DOCK9: variants seen among roughly 807,000 people sequenced by gnomAD.
The protein encoded by DOCK9 is dedicator of cytokinesis 9, also known as dedicator of cytokinesis protein 9.
Under a neutral mutation model 263.3 loss-of-function variants are expected in DOCK9, and 89 were observed. The observed-to-expected ratio is 0.34, with a 90% CI of 0.28 to 0.40. The LOEUF (loss-of-function observed/expected upper bound fraction) is 0.40, where lower values mean the gene tolerates loss of function less well. DOCK9 is among the 10% of genes least tolerant of loss of function. DOCK9 has a pLI of 1.00. For missense variants in DOCK9, 2,140 were observed against 2,603.4 expected (o/e 0.82, Z 3.87); for synonymous variants, 976 against 973.1 (o/e 1.00, Z -0.06).
chr13:98,807,592 TA>T lies in DOCK9; in HGVS notation c.5514+68del. 8 of 1,341,664 alleles carry T rather than the reference TA, an allele frequency of 6.0e-6. No homozygotes were observed. The South Asian group carries it at 1.3e-4, about 21-fold the overall frequency. The allele number at this position is 1,341,664 out of a possible 1,614,324, so 83.1% of individuals were successfully genotyped here. On this transcript the variant is annotated intron_variant, in intron 48 of 52. Transcript: ENST00000682017. Reference sequence around the variant, plus strand: ...TCTTGTGTTTTTTTCTATATACATTTAAAAATATATAATATGTAATCAATCA... The same window carrying T: ...TCTTGTGTTTTTTTCTATATACATTTAAAATATATAATATGTAATCAATCA...
intron 1 of DOCK9, among the ~76,000 whole-genome samples, chr13:99,013,540 G>A (rs1438268936): frequency 6.6e-6 from 1 of 152,202 alleles, no homozygotes; most frequent in Non-Finnish European, 1.5e-5. Context: ...AACTATACAG[G>A]ATCTGGGGAA....
intron 39 of DOCK9, 194 bp from the exon 40 acceptor site, chr13:98,831,980 TGGG>T: frequency 1.5e-6 from 1 of 653,202 alleles, no homozygotes; most frequent in Non-Finnish European, 2.5e-6. Flanking sequence ...ATTTATGTTT[TGGG>T]GATGAACCTC....
At chr13:98,983,856 A>T (rs773457427) in intron 1 of DOCK9, among the ~76,000 whole-genome samples, 3 of 152,070 alleles carry the variant, frequency 2.0e-5, no homozygotes, top group Non-Finnish European at 4.4e-5. Context: ...ACCTCAGGTG[A>T]TCCACCCACC....
At chr13:99,086,282 C>T in exon 1 of DOCK9, 1 of 1,495,924 alleles carries the variant, frequency 6.7e-7, no homozygotes, top group Non-Finnish European at 8.9e-7. Context: ...GCCGCCGTGC[C>T]CGGCTTACTC....
At chr13:98,976,177 G>A (rs1670953944) in intron 1 of DOCK9, among the ~76,000 whole-genome samples, 1 of 152,182 alleles carries the variant, frequency 6.6e-6, no homozygotes, top group Non-Finnish European at 1.5e-5. Context: ...CTGCAGGTGC[G>A]CAGAGCTGAG....
At chr13:99,001,233 G>A (rs1882246847) in intron 1 of DOCK9, among the ~76,000 whole-genome samples, 2 of 152,166 alleles carry the variant, frequency 1.3e-5, no homozygotes, top group Admixed American at 1.3e-4. Flanking sequence ...GAAACCACTT[G>A]TAATCTCTAT....
rs548352582 is a variant in DOCK9, at chr13:99,020,224, G to A, written c.130-64673C>T. Among the ~76,000 whole-genome samples, 8 of 152,316 alleles carry A rather than the reference G, an allele frequency of 5.3e-5. No homozygotes were observed. In the South Asian group the frequency reaches 1.2e-3, roughly 24 times the overall value. ...CTCAACAAGAAATTGCTAGAAATAT[G>A]TAAGTACCTATTGTCTTATACTTCA... is the stretch of plus-strand genomic sequence containing the variant. On this transcript the variant is annotated intron_variant, in intron 1 of 32. Transcript: ENST00000427887.
chr13:98,814,791 A>C (rs1303611148), intron 45 of DOCK9, among the ~76,000 whole-genome samples: 1 of 151,994 alleles, frequency 6.6e-6, no homozygotes, highest in Non-Finnish European at 1.5e-5. Context: ...ATACAAAAAA[A>C]TTAGCTGGGC....
At chr13:98,985,935 T>C (rs1425365239) in intron 1 of DOCK9, among the ~76,000 whole-genome samples, 1 of 152,262 alleles carries the variant, frequency 6.6e-6, no homozygotes, top group Non-Finnish European at 1.5e-5. Flanking sequence ...GTATGATTTA[T>C]CACAGGAGTT....
In DOCK9 at chr13:98,829,847, C is replaced by T. The variant is rs74592163; in HGVS notation, c.4636-91G>A. On this transcript the variant is annotated intron_variant, in intron 41 of 52. Coordinates refer to ENST00000682017, the MANE Select transcript of DOCK9 (RefSeq NM_001366683.2). This position sits in a 1 kb window ranked among gnomAD's most constrained non-coding sequence, Gnocchi z 4.1. ...CGTTCAGTTAGGATGTGCCTAAGGACCCAGCAAAGTGGGGGTTGGGGGGTG... is the reference window on the plus strand; with the variant it reads ...CGTTCAGTTAGGATGTGCCTAAGGATCCAGCAAAGTGGGGGTTGGGGGGTG... 101 of 1,127,284 alleles carry T rather than the reference C, an allele frequency of 9.0e-5. No homozygotes were observed. In the East Asian group the frequency reaches 2.2e-3, roughly 24 times the overall value. 69.8% of individuals were successfully genotyped at this position (1,127,284 alleles called of 1,614,324 possible). A position where few individuals can be genotyped will look rare whatever the true frequency, so the allele number is the denominator to read the frequency against.
In DOCK9 at chr13:98,956,136, G is replaced by A. The variant is rs374624833; in HGVS notation, c.127-585C>T. 1.6e-3 allele frequency among the ~76,000 whole-genome samples: 239 copies of A among 152,350 alleles called. 8 individuals carry two copies. The South Asian group carries it at 0.047, about 30-fold the overall frequency. ...CAAGAGGCTGGGTCACAGCCAGGGG[G>A]GCAGGTACTACTTAAACCAGGGCTC... On this transcript the variant is annotated intron_variant, in intron 1 of 52. Coordinates refer to ENST00000682017, the MANE Select transcript of DOCK9 (RefSeq NM_001366683.2).
At chr13:98,805,952 G>A (rs1419272476) in intron 48 of DOCK9, among the ~76,000 whole-genome samples, 2 of 152,142 alleles carry the variant, frequency 1.3e-5, no homozygotes, top group Non-Finnish European at 2.9e-5. Context: ...CAGACACAGG[G>A]TTTCTCCATG....
At position 98,879,949 on chromosome 13, in the gene DOCK9, A is replaced by G; in HGVS notation, c.2892T>C (p.Asp964=). ...GCTGAGCCATAGATTTGATCAGTAC[A>G]TCAAAGAAAAACCATGAGTACTAAA... ...KLLKYSWFFF[D]VLIKSMAQHL... is the part of the protein sequence containing the mutation. The change falls in exon 27 of 53, where the codon GAT becomes GAC. Residue 964 remains aspartate (D), a synonymous_variant. Transcript: ENST00000682017. 6.2e-7 allele frequency: 1 copy of G among 1,607,580 alleles called. No individual in the cohort carries two copies. The highest frequency in any genetic ancestry group is 1.1e-5 in the South Asian group (1 of 89,344).
intron 2 of DOCK9, among the ~76,000 whole-genome samples, chr13:98,932,798 G>A (rs2054176966): frequency 1.3e-5 from 2 of 152,150 alleles, no homozygotes; most frequent in Non-Finnish European, 2.9e-5. Context: ...TGGAAGAAAT[G>A]AATTCTGTTC....
Position 98,850,080 on chromosome 13 carries a change from G to A in DOCK9, c.3980C>T (p.Thr1327Ile). The A allele has an allele frequency of 6.4e-7, 1 of 1,560,186 alleles. No individual in the cohort carries two copies. Among genetic ancestry groups the A allele is most frequent in the African/African-American group, 1.4e-5 (1 of 72,808 alleles). Residue 1327 changes from threonine (T) to isoleucine (I), a missense_variant, in exon 36 of 53, where the codon ACA (threonine) becomes ATA (isoleucine). Thr to Ile is a moderately conservative substitution (Grantham distance 89). Around this residue, in one of 2 missense-constraint regions of DOCK9, gnomAD observed 1,521 missense variants for 1,741.7 expected, o/e 0.87. Coordinates refer to ENST00000682017, the MANE Select transcript of DOCK9 (RefSeq NM_001366683.2). Reference protein sequence around the residue: ...ALFTYWNKASTSELMDFFTIS... With the variant: ...ALFTYWNKASISELMDFFTIS... ...TGTAAAAAAATCCATAAGTTCAGAT[G>A]TTGAAGCCTTGTTCCAATATGTAAA... is the stretch of plus-strand genomic sequence containing the variant.
At chr13:98,904,085 C>T (rs1012143293) in intron 10 of DOCK9, among the ~76,000 whole-genome samples, 4 of 152,158 alleles carry the variant, frequency 2.6e-5, no homozygotes, top group Non-Finnish European at 5.9e-5. Flanking sequence ...TTTAATGCCA[C>T]TGAACCGTAC....
rs1227556732 is a variant in DOCK9 at position 98,805,261 on chromosome 13, C to T, written c.5515-52G>A. The T allele has an allele frequency of 8.3e-6, 12 of 1,441,706 alleles. No homozygotes were observed. In the East Asian group the frequency reaches 2.9e-4, roughly 35 times the overall value. The allele number at this position is 1,441,706 out of a possible 1,614,324, so 89.3% of individuals were successfully genotyped here. On this transcript the variant is annotated intron_variant, in intron 48 of 52. Coordinates refer to ENST00000682017, the MANE Select transcript of DOCK9 (RefSeq NM_001366683.2). ...ATTGGTGCTCCATGAAGGAATCACT[C>T]AGTTCTTACCTACGTGGTATTTTCC...
At chr13:98,972,510 C>T (rs1183458075) in intron 1 of DOCK9, among the ~76,000 whole-genome samples, 1 of 152,192 alleles carries the variant, frequency 6.6e-6, no homozygotes, top group Non-Finnish European at 1.5e-5. Context: ...TGTCTGAGAT[C>T]ATTTTCCAGG....
chr13:99,047,350 C>T (rs183414235), intron 1 of DOCK9, among the ~76,000 whole-genome samples: 1 of 152,170 alleles, frequency 6.6e-6, no homozygotes, highest in Non-Finnish European at 1.5e-5. Context: ...CACATAAGCA[C>T]GTCTGTTACC....
Sources: allele counts gnomAD v4.1 joint callset (sites outside exome capture counted in the v4.1 genomes callset), GRCh38; gene constraint gnomAD v4.1.1; regional missense constraint gnomAD v4.1.1; non-coding constraint Gnocchi (gnomAD v3.1); transcripts MANE v1.5; gene names NCBI Gene and HGNC (gene_info 2026-07-23, HGNC 2026-07-21).